The following COX10 variants were observed in gnomAD, a reference collection of about 807,000 sequenced individuals.
COX10 encodes cytochrome c oxidase assembly factor heme A:farnesyltransferase COX10, also known as protoheme IX farnesyltransferase, mitochondrial.
COX10 carries 27 observed loss-of-function variants against 37.3 expected under a neutral mutation model. That is an observed-to-expected ratio of 0.72 (90% CI 0.53 to 1.00). COX10 has a LOEUF of 1.00. Among genes scored for constraint, COX10 ranks in the 50% least tolerant of loss-of-function variants. The probability of loss-of-function intolerance (pLI) is 0.00; values close to 1 mark genes in which losing one functional copy is unlikely to be tolerated. For missense variants in COX10, 475 were observed against 563.2 expected, an observed-to-expected ratio of 0.84 and a Z score of 1.59; for synonymous variants, 222 against 229.1, an observed-to-expected ratio of 0.97 and a Z score of 0.28.
chr17:14,179,223 A>AC, intron 5 of COX10: 2 of 983,152 alleles, frequency 2.0e-6, no homozygotes. Context: ...AGAGATGTAG[A>AC]CACCGTTCAT....
rs555317810 is a variant in COX10 at position 14,106,132 on chromosome 17, G to A, written c.624+3890G>A. Among the ~76,000 whole-genome samples, 7 of 151,866 alleles carry A rather than the reference G, an allele frequency of 4.6e-5. No individual in the cohort carries two copies. The East Asian group carries it at 5.8e-4, about 13-fold the overall frequency. ...CCTGGGTTCAAGCAATTCTCCTGCC[G>A]CAGCCTCCCAAGTAGCTGGTATTAT... is the stretch of plus-strand genomic sequence containing the variant. On this transcript the variant is annotated intron_variant, in intron 4 of 6. Transcript: ENST00000261643.
rs1444691191 is a variant in COX10, at chr17:14,197,552, G to A, written c.928+5331G>A. On this transcript the variant is annotated intron_variant, in intron 6 of 6. Transcript: ENST00000261643. ...CATAGGTGTCTGACCGGCCCACTTC[G>A]GGAATCCAGCATGGGGTAAGTGAGG... Among the ~76,000 whole-genome samples, 6 of 152,222 alleles carry A rather than the reference G, an allele frequency of 3.9e-5. No homozygotes were observed. In the South Asian group the frequency reaches 6.2e-4, roughly 16 times the overall value.
At chr17:14,069,679 G>A (rs1379112235) in intron 1 of COX10, 31 bp downstream of exon 1, 2 of 1,613,804 alleles carry the variant, frequency 1.2e-6, no homozygotes, top group South Asian at 2.2e-5. Flanking sequence ...ACGACCTTGG[G>A]GGAAATTCTT....
At chr17:14,192,534 G>A (rs1464741503) in intron 6 of COX10, among the ~76,000 whole-genome samples, 1 of 152,164 alleles carries the variant, frequency 6.6e-6, no homozygotes, top group Non-Finnish European at 1.5e-5. Flanking sequence ...AATCACAAAC[G>A]AAGCTAGGAC....
chr17:14,073,092 T>C (rs556117887), intron 1 of COX10, among the ~76,000 whole-genome samples: 27 of 152,242 alleles, frequency 1.8e-4, no homozygotes, highest in African/African-American at 5.8e-4. Context: ...CGATGTTGCT[T>C]TGGTGGGTTG....
chr17:14,183,088 C>T (rs925586136), intron 5 of COX10, among the ~76,000 whole-genome samples: 2 of 147,868 alleles, frequency 1.4e-5, no homozygotes, highest in African/African-American at 5.0e-5. Context: ...AATTTTTCCC[C>T]ACTCTCAATC....
At position 14,173,251 on chromosome 17, in the gene COX10, G is replaced by A. The variant is rs867968129; in HGVS notation, c.695+13304G>A. On this transcript the variant is annotated intron_variant, in intron 5 of 6. Transcript: ENST00000261643. The stretch of plus-strand genomic sequence containing the variant: ...ATGCTTAATAATGGATAGATGGACA[G>A]GTGGATGGATGATAAGAGAAAGAAA... Among the ~76,000 whole-genome samples, 6 of 152,350 alleles carry A rather than the reference G, an allele frequency of 3.9e-5. No individual in the cohort carries two copies. The Middle Eastern group carries it at 0.014, about 345-fold the overall frequency.
chr17:14,206,290 C>T (rs1013674466), intron 6 of COX10, among the ~76,000 whole-genome samples: 1 of 152,168 alleles, frequency 6.6e-6, no homozygotes, highest in South Asian at 2.1e-4. Flanking sequence ...CTCCAGGTTA[C>T]AGCACTGCTT....
At chr17:14,134,293 A>G (rs1370835528) in intron 4 of COX10, among the ~76,000 whole-genome samples, 3 of 151,830 alleles carry the variant, frequency 2.0e-5, no homozygotes, top group East Asian at 1.9e-4. Flanking sequence ...CATGCTTGTT[A>G]AAAAGTATTC....
chr17:14,104,865 A>C (rs1567592134), intron 4 of COX10, among the ~76,000 whole-genome samples: 1 of 152,166 alleles, frequency 6.6e-6, no homozygotes, highest in Non-Finnish European at 1.5e-5. Context: ...TTAAAATGTT[A>C]GAGTAAATTA....
intron 6 of COX10, among the ~76,000 whole-genome samples, chr17:14,206,061 C>T (rs532664998): frequency 4.6e-5 from 7 of 152,260 alleles, no homozygotes; most frequent in African/African-American, 7.2e-5. Context: ...TGACACCTCC[C>T]GCTTGTGCCA....
intron 6 of COX10, among the ~76,000 whole-genome samples, chr17:14,205,584 G>A (rs936684510): frequency 1.3e-5 from 2 of 152,146 alleles, no homozygotes; most frequent in African/African-American, 2.4e-5. Context: ...CGCCCGGGGA[G>A]CATTTTTTGC....
chr17:14,203,233 A>G (rs1906597594), intron 6 of COX10, among the ~76,000 whole-genome samples: 1 of 151,974 alleles, frequency 6.6e-6, no homozygotes, highest in Admixed American at 6.5e-5. Context: ...TTATACATAT[A>G]TAAATTTTAT....
intron 4 of COX10, among the ~76,000 whole-genome samples, chr17:14,154,444 GTGTT>G (rs1482449736): frequency 1.3e-5 from 2 of 152,132 alleles, no homozygotes; most frequent in African/African-American, 2.4e-5. Context: ...TTCTTGATGA[GTGTT>G]TGTTTTATTT....
intron 5 of COX10, 101 bp downstream of exon 5, chr17:14,160,048 A>G (rs1905140529): frequency 1.1e-5 from 11 of 1,022,996 alleles, no homozygotes; most frequent in African/African-American, 1.6e-5. Flanking sequence ...CGAAGTGGAA[A>G]TAAAATACCC....
chr17:14,128,783 G>A (rs1916398245), intron 4 of COX10, among the ~76,000 whole-genome samples: 1 of 152,194 alleles, frequency 6.6e-6, no homozygotes, highest in Admixed American at 6.5e-5. Context: ...CTAAACAAAG[G>A]CGGTCAACTT....
chr17:14,096,321 C>CAT (rs1915651509), intron 3 of COX10, among the ~76,000 whole-genome samples: 1 of 150,918 alleles, frequency 6.6e-6, no homozygotes, highest in Non-Finnish European at 1.5e-5. Context: ...TAGCCCAGGG[C>CAT]ATATCTCATT....
At chr17:14,200,088 G>A (rs1906501874) in intron 6 of COX10, among the ~76,000 whole-genome samples, 1 of 152,158 alleles carries the variant, frequency 6.6e-6, no homozygotes, top group South Asian at 2.1e-4. Flanking sequence ...AGTGACAATG[G>A]GTTTGGGGGG....
At chr17:14,180,923 G>A (rs1482616677) in intron 5 of COX10, among the ~76,000 whole-genome samples, 1 of 152,084 alleles carries the variant, frequency 6.6e-6, no homozygotes, top group African/African-American at 2.4e-5. Flanking sequence ...CCATTCTTAA[G>A]TTCAGAGAAT....
Sources: gnomAD v4.1 joint callset for allele counts (sites outside exome capture counted in the v4.1 genomes callset) on GRCh38, gnomAD v4.1.1 for gene constraint, MANE v1.5 for transcripts, NCBI Gene and HGNC (gene_info 2026-07-23, HGNC 2026-07-21) for gene names.